Variants in MCCC1 observed in about 807,000 individuals in gnomAD.
MCCC1 encodes methylcrotonoyl-CoA carboxylase subunit alpha, mitochondrial.
Under a neutral mutation model 83.8 loss-of-function variants are expected in MCCC1, and 64 were observed. The observed-to-expected ratio is 0.76, with a 90% CI of 0.62 to 0.94. MCCC1 has a LOEUF of 0.94. Ranked by LOEUF, MCCC1 falls within the 40% of genes least tolerant of loss-of-function variation. The pLI is 0.00. For missense variants in MCCC1, 807 were observed against 904.7 expected, an observed-to-expected ratio of 0.89 and a Z score of 1.39; for synonymous variants, 322 against 315.4, an observed-to-expected ratio of 1.02 and a Z score of -0.22.
chr3:183,112,559 A>G (rs1302228158), intron 1 of MCCC1, among the ~76,000 whole-genome samples: 1 of 152,228 alleles, frequency 6.6e-6, no homozygotes, highest in Non-Finnish European at 1.5e-5. Context: ...GAATTATATA[A>G]TAAATCCCTG....
intron 1 of MCCC1, 148 bp from the exon 2 acceptor site, chr3:183,094,753 C>A: frequency 1.3e-6 from 1 of 787,410 alleles, no homozygotes. Flanking sequence ...GAAAACTAAT[C>A]TAGAACTCAA....
At position 183,015,304 on chromosome 3, in the gene MCCC1, G is replaced by A; in HGVS notation, c.*134C>T. 1 of 879,418 alleles carries A rather than the reference G, an allele frequency of 1.1e-6. No individual in the cohort carries two copies. Among genetic ancestry groups the A allele is most frequent in the Non-Finnish European group, 1.9e-6 (1 of 519,502 alleles). 54.5% of individuals were successfully genotyped at this position (879,418 alleles called of 1,614,324 possible). A position where few individuals can be genotyped will look rare whatever the true frequency, so the allele number is the denominator to read the frequency against. Reference sequence around the variant, plus strand: ...ACCCAAATGCATGATTCTCCAATATGAAAGGTGTTCAGCATAAGCATACAA... The same window carrying A: ...ACCCAAATGCATGATTCTCCAATATAAAAGGTGTTCAGCATAAGCATACAA... On this transcript the variant is annotated 3_prime_UTR_variant, in exon 19 of 19. Coordinates refer to ENST00000265594, the MANE Select transcript of MCCC1 (RefSeq NM_020166.5).
chr3:183,060,770 T>C (rs1715768757), intron 7 of MCCC1, among the ~76,000 whole-genome samples: 2 of 152,138 alleles, frequency 1.3e-5, no homozygotes, highest in Admixed American at 6.5e-5. Context: ...TTCCCCTTCC[T>C]GTGTCCAAGT....
chr3:183,067,517 G>A (rs1205547062), intron 7 of MCCC1, among the ~76,000 whole-genome samples: 1 of 152,166 alleles, frequency 6.6e-6, no homozygotes, highest in Non-Finnish European at 1.5e-5. Flanking sequence ...ACCGGAGAGA[G>A]AAAAATTATG....
At chr3:183,110,877 A>G (rs1577385814) in intron 1 of MCCC1, among the ~76,000 whole-genome samples, 1 of 152,226 alleles carries the variant, frequency 6.6e-6, no homozygotes, top group Admixed American at 6.5e-5. Flanking sequence ...TTATCACAGC[A>G]CCATTTATTG....
At position 183,064,401 on chromosome 3, in the gene MCCC1, G is replaced by A. The variant is rs1366922432; in HGVS notation, c.761+6598C>T. 6.6e-6 allele frequency among the ~76,000 whole-genome samples: 1 copy of A among 152,200 alleles called. No homozygotes were observed. ...AGGAAAATTTGCGAGGTCCGAGAGG[G>A]ACTGCAGGAAACGCCTCCCTTCCTG... On this transcript the variant is annotated intron_variant, in intron 7 of 18. Coordinates refer to ENST00000265594, the MANE Select transcript of MCCC1 (RefSeq NM_020166.5). This position sits in a 1 kb window ranked among gnomAD's most constrained non-coding sequence, Gnocchi z 4.5.
intron 16 of MCCC1, 136 bp downstream of exon 16, chr3:183,022,281 G>T: frequency 9.6e-7 from 1 of 1,037,242 alleles, no homozygotes; most frequent in Non-Finnish European, 1.5e-6. Context: ...ACAGAATGGT[G>T]GGGGAAACTG....
At chr3:183,094,675 T>C (rs936164225) in intron 1 of MCCC1, 70 bp from the exon 2 acceptor site, 1 of 1,504,894 alleles carries the variant, frequency 6.6e-7, no homozygotes, top group African/African-American at 1.4e-5. Flanking sequence ...TCAAAAGAAT[T>C]TCAGTTTCTT....
Position 183,106,303 on chromosome 3 carries a change from G to A in MCCC1, c.-102+9171C>T, listed in dbSNP as rs140006069. Among the ~76,000 whole-genome samples, 877 of 152,090 alleles carry A rather than the reference G, an allele frequency of 5.8e-3. 10 individuals carry two copies. Among genetic ancestry groups the A allele is most frequent in the African/African-American group, 0.02 (831 of 41,448 alleles). On this transcript the variant is annotated intron_variant, in intron 1 of 17. Transcript: ENST00000492597. Reference sequence around the variant, plus strand: ...TTAAAAAGCTTACTCCCATTGCAATGGCTTATTCCAAAATAAATATCTTTT... The same window carrying A: ...TTAAAAAGCTTACTCCCATTGCAATAGCTTATTCCAAAATAAATATCTTTT...
chr3:183,038,991 C>T lies in MCCC1; in HGVS notation c.1377+35G>A, dbSNP rs139428536. 1.1e-4 allele frequency: 167 copies of T among 1,576,670 alleles called. No individual in the cohort carries two copies. The African/African-American group carries it at 2.1e-3, about 20-fold the overall frequency. ...GCTGACCTCTGGTGCTGACCAAACACATCAAGGTCACTGGCACGGTCTCAG... is the reference window on the plus strand; with the variant it reads ...GCTGACCTCTGGTGCTGACCAAACATATCAAGGTCACTGGCACGGTCTCAG... On this transcript the variant is annotated intron_variant, in intron 12 of 18. Coordinates refer to ENST00000265594, the MANE Select transcript of MCCC1 (RefSeq NM_020166.5).
At chr3:183,104,343 C>G (rs926614645), upstream of MCCC1, among the ~76,000 whole-genome samples, 1 of 152,196 alleles carries the variant, frequency 6.6e-6, no homozygotes. Context: ...GTCTCGAACT[C>G]CTGACCTAAA....
At chr3:183,041,531 A>G (rs775263916) in intron 11 of MCCC1, 36 bp downstream of exon 11, 2 of 1,611,724 alleles carry the variant, frequency 1.2e-6, no homozygotes, top group Admixed American at 1.7e-5. Context: ...CTAAAAACTT[A>G]AAAAGAGTGA....
intron 2 of MCCC1, 125 bp downstream of exon 2, chr3:183,094,434 C>T (rs982175778): frequency 2.0e-5 from 18 of 899,194 alleles, no homozygotes; most frequent in African/African-American, 1.7e-4. Context: ...AGAAAATTAT[C>T]GTGAAAATCC....
chr3:183,020,630 CA>C (rs567946721), intron 16 of MCCC1, among the ~76,000 whole-genome samples: 128 of 142,632 alleles, frequency 9.0e-4, no homozygotes, highest in Non-Finnish European at 1.3e-3. Flanking sequence ...GACTCTGACT[CA>C]AAAAAAAAAA....
chr3:183,086,664 T>G lies in MCCC1; in HGVS notation c.369+29A>C, dbSNP rs760939700. 1.9e-6 allele frequency: 3 copies of G among 1,599,526 alleles called. No homozygotes were observed. In the Admixed American group the frequency reaches 5.0e-5, roughly 27 times the overall value. On this transcript the variant is annotated intron_variant, in intron 4 of 18. Coordinates refer to ENST00000265594, the MANE Select transcript of MCCC1 (RefSeq NM_020166.5). ...TCAGTTGCACAAAACGTATTCCTTT[T>G]GCACTGCAAATCTCTTCACAACCCT...
At chr3:183,090,216 A>G (rs1251004690) in intron 3 of MCCC1, among the ~76,000 whole-genome samples, 1 of 152,182 alleles carries the variant, frequency 6.6e-6, no homozygotes, top group Non-Finnish European at 1.5e-5. Flanking sequence ...ATTTATTTCT[A>G]AAAGAAGGGA....
At chr3:183,025,970 T>C (rs1302005337) in intron 14 of MCCC1, among the ~76,000 whole-genome samples, 166 bp from the exon 15 acceptor site, 3 of 152,232 alleles carry the variant, frequency 2.0e-5, no homozygotes. Context: ...GAAAAGCATC[T>C]GTCAAGCTAG....
chr3:183,081,216 A>G (rs892349019), intron 4 of MCCC1, among the ~76,000 whole-genome samples: 3 of 152,314 alleles, frequency 2.0e-5, no homozygotes, highest in Admixed American at 2.0e-4. Flanking sequence ...CAACAGCACC[A>G]CTACTATTAC....
intron 13 of MCCC1, 49 bp from the exon 14 acceptor site, chr3:183,034,126 T>A: frequency 2.4e-6 from 3 of 1,256,492 alleles, no homozygotes; most frequent in African/African-American, 1.5e-5. Flanking sequence ...ATCAAGCCTA[T>A]GAAATTTACA....
Sources: allele counts gnomAD v4.1 joint callset (sites outside exome capture counted in the v4.1 genomes callset), GRCh38; gene constraint gnomAD v4.1.1; non-coding constraint Gnocchi (gnomAD v3.1); transcripts MANE v1.5; gene names NCBI Gene and HGNC (gene_info 2026-07-23, HGNC 2026-07-21).